Variants in SLC5A4 observed in about 807,000 individuals in gnomAD.
SLC5A4 encodes probable glucose sensor protein SLC5A4.
A neutral mutation model predicts 70.3 loss-of-function variants in SLC5A4; 55 were observed. The ratio of observed to expected loss-of-function variants is 0.78; its 90% CI spans 0.63 to 0.98. The LOEUF (loss-of-function observed/expected upper bound fraction) is 0.98. Ranked by LOEUF, SLC5A4 falls within the 50% of genes least tolerant of loss-of-function variation. The pLI, the probability that SLC5A4 is intolerant of heterozygous loss-of-function variation, is 0.00. For missense variants in SLC5A4, 735 were observed against 839.2 expected (o/e 0.88, Z 1.53); for synonymous variants, 268 against 305.7 (o/e 0.88, Z 1.29).
At chr22:32,305,915 TTGCCCC>T in the SLC5A4 span, among the ~76,000 whole-genome samples, 9 of 151,274 alleles carry the variant, frequency 5.9e-5, no homozygotes, top group African/African-American at 1.9e-4. Context: ...CTCTCTGACC[TTGCCCC>T]TGCCCCTTTA....
chr22:32,340,416 A>G, the SLC5A4 span, among the ~76,000 whole-genome samples: 1 of 152,226 alleles, frequency 6.6e-6, no homozygotes, highest in African/African-American at 2.4e-5. Context: ...TGCTGGGGTC[A>G]CAGCTGAGCA....
the SLC5A4 span, among the ~76,000 whole-genome samples, chr22:32,289,394 T>C: frequency 2.6e-5 from 4 of 152,252 alleles, no homozygotes; most frequent in Admixed American, 6.5e-5. Context: ...AATTGAATCA[T>C]GGGGGTGGTT....
At chr22:32,269,439 A>T in the SLC5A4 span, 1 of 494,724 alleles carries the variant, frequency 2.0e-6, no homozygotes, top group African/African-American at 1.9e-5. The surrounding 1 kb of genome is among the most constrained non-coding windows in gnomAD (Gnocchi z 4.1). Context: ...ATCGCCCTGC[A>T]GTTCCTGCAC....
the SLC5A4 span, among the ~76,000 whole-genome samples, chr22:32,347,539 G>A: frequency 6.6e-6 from 1 of 152,002 alleles, no homozygotes; most frequent in Non-Finnish European, 1.5e-5. Context: ...AAAATGATGA[G>A]TTCATGTCCT....
intron 3 of SLC5A4, among the ~76,000 whole-genome samples, chr22:32,251,149 C>CAAAAAAAAA (rs1169115054): frequency 1.5e-3 from 35 of 22,772 alleles, no homozygotes; most frequent in East Asian, 2.3e-3. Context: ...AACAAATAAG[C>CAAAAAAAAA]AAAAAAAAAA....
At chr22:32,322,365 G>A in the SLC5A4 span, among the ~76,000 whole-genome samples, 1 of 152,068 alleles carries the variant, frequency 6.6e-6, no homozygotes, top group Non-Finnish European at 1.5e-5. Context: ...TGAGGTGGGT[G>A]GATCACGAGG....
At chr22:32,270,933 C>T in the SLC5A4 span, 7 of 567,020 alleles carry the variant, frequency 1.2e-5, no homozygotes, top group East Asian at 2.4e-4. Context: ...ATGTTCACCA[C>T]TGAGAGCTGC....
chr22:32,309,717 G>A, the SLC5A4 span, among the ~76,000 whole-genome samples: 2 of 151,920 alleles, frequency 1.3e-5, no homozygotes, highest in Non-Finnish European at 2.9e-5. Flanking sequence ...CTCACCCCTC[G>A]GCTCCTCCAT....
chr22:32,317,329 G>A, the SLC5A4 span, among the ~76,000 whole-genome samples: 6 of 151,892 alleles, frequency 4.0e-5, no homozygotes, highest in African/African-American at 1.2e-4. Context: ...AGCATGAATT[G>A]CCCAACTCAA....
chr22:32,239,570 TTA>T (rs1315288432), intron 5 of SLC5A4, among the ~76,000 whole-genome samples: 11 of 10,408 alleles, frequency 1.1e-3, no homozygotes, highest in Middle Eastern at 0.028. Context: ...ATATATATAT[TTA>T]TATATATATT....
At chr22:32,330,683 G>C in the SLC5A4 span, among the ~76,000 whole-genome samples, 14,254 of 84,446 alleles carry the variant, frequency 0.17, 1,447 homozygotes, top group East Asian at 0.25. Context: ...GGGGGCTCTG[G>C]TGTGTGTGTT....
At chr22:32,270,800 C>T in the SLC5A4 span, 2 of 598,598 alleles carry the variant, frequency 3.3e-6, no homozygotes, top group Non-Finnish European at 6.2e-6. Flanking sequence ...GGCCGCGTCA[C>T]CATGTTCCTG....
At chr22:32,312,359 GCGCGCGCACACACACA>G in the SLC5A4 span, among the ~76,000 whole-genome samples, 14 of 79,888 alleles carry the variant, frequency 1.8e-4, no homozygotes, top group Non-Finnish European at 3.1e-4. Context: ...AATCACACGC[GCGCGCGCACACACACA>G]CACACACACA....
At chr22:32,328,700 T>TTACA in the SLC5A4 span, among the ~76,000 whole-genome samples, 1 of 152,194 alleles carries the variant, frequency 6.6e-6, no homozygotes, top group Non-Finnish European at 1.5e-5. Context: ...ACACCCTGAC[T>TTACA]TACACCTTTC....
chr22:32,285,898 G>T, the SLC5A4 span, among the ~76,000 whole-genome samples: 4 of 151,788 alleles, frequency 2.6e-5, no homozygotes, highest in South Asian at 8.3e-4. Flanking sequence ...TACCACGCCC[G>T]GCTTATTTTT....
chr22:32,269,979 C>A, the SLC5A4 span: 1 of 515,012 alleles, frequency 1.9e-6, no homozygotes, highest in African/African-American at 1.9e-5. This position sits in a 1 kb window ranked among gnomAD's most constrained non-coding sequence, Gnocchi z 4.1. Context: ...GCCTGGGCAA[C>A]TCTCTCCTCC....
the SLC5A4 span, among the ~76,000 whole-genome samples, chr22:32,332,561 G>A: frequency 1.3e-5 from 2 of 152,202 alleles, no homozygotes; most frequent in Non-Finnish European, 2.9e-5. Context: ...CCTTCTGGGA[G>A]TCTCTGAGGG....
chr22:32,260,842 G>A, the SLC5A4 span, among the ~76,000 whole-genome samples: 3 of 152,214 alleles, frequency 2.0e-5, no homozygotes, highest in Admixed American at 2.0e-4. Context: ...GGAGGCCAAG[G>A]TGGGTGGATA....
the SLC5A4 span, among the ~76,000 whole-genome samples, chr22:32,262,467 C>G: frequency 6.6e-6 from 1 of 152,162 alleles, no homozygotes; most frequent in Non-Finnish European, 1.5e-5. Flanking sequence ...GGCCCACCTT[C>G]TAGGGGCAGG....
Sources: allele counts gnomAD v4.1 joint callset (sites outside exome capture counted in the v4.1 genomes callset), GRCh38; gene constraint gnomAD v4.1.1; non-coding constraint Gnocchi (gnomAD v3.1); transcripts MANE v1.5; gene names NCBI Gene and HGNC (gene_info 2026-07-23, HGNC 2026-07-21).